Variants in SLC15A1 observed in about 807,000 individuals in gnomAD.
SLC15A1 encodes Caco-2 oligopeptide transporter.
SLC15A1 carries 83 observed loss-of-function variants against 92.9 expected under a neutral mutation model. The ratio of observed to expected loss-of-function variants is 0.89; its 90% CI spans 0.75 to 1.07. The LOEUF (loss-of-function observed/expected upper bound fraction) is 1.07, where lower values mean the gene tolerates loss of function less well. Among genes scored for constraint, SLC15A1 ranks in the 50% least tolerant of loss-of-function variants. The pLI is 0.00. For synonymous variants in SLC15A1, 322 were observed against 318.2 expected (o/e 1.01, Z -0.13); for missense variants, 857 against 880.1 (o/e 0.97, Z 0.33).
At chr13:98,695,662 G>A (rs1473159437) in intron 18 of SLC15A1, among the ~76,000 whole-genome samples, 1 of 151,808 alleles carries the variant, frequency 6.6e-6, no homozygotes, top group Non-Finnish European at 1.5e-5. Context: ...CAAAATGCTG[G>A]GATTACAGGC....
intron 1 of SLC15A1, among the ~76,000 whole-genome samples, chr13:98,743,805 C>T (rs766195089): frequency 6.6e-6 from 1 of 151,948 alleles, no homozygotes; most frequent in South Asian, 2.1e-4. Flanking sequence ...GCCAGACTGC[C>T]GAGGGTAAAT....
chr13:98,746,517 T>C (rs1249538225), intron 1 of SLC15A1, among the ~76,000 whole-genome samples: 2 of 152,176 alleles, frequency 1.3e-5, no homozygotes, highest in Non-Finnish European at 2.9e-5. Flanking sequence ...GGTGTTTTGA[T>C]TTAATGGAAA....
chr13:98,688,300 T>C lies in SLC15A1; in HGVS notation c.1631A>G (p.Asn544Ser), dbSNP rs199744465. ...EIPPQCQPNF[N>S]TFYLEFGSAY... is the part of the protein sequence containing the mutation. ...ACTACCAAATTCAAGGTAGAAAGTA[T>C]TGAAATTAGGTTGACATTGTGGCGG... Residue 544 changes from asparagine (N) to serine (S), a missense_variant, in exon 20 of 23, where the codon AAT (asparagine) becomes AGT (serine). Coordinates refer to ENST00000376503, the MANE Select transcript of SLC15A1 (RefSeq NM_005073.4). 8 of 1,614,092 alleles carry C rather than the reference T, an allele frequency of 5.0e-6. No homozygotes were observed. The East Asian group carries it at 1.8e-4, about 36-fold the overall frequency.
intron 1 of SLC15A1, among the ~76,000 whole-genome samples, chr13:98,737,177 G>A (rs895017027): frequency 1.3e-5 from 2 of 152,232 alleles, no homozygotes; most frequent in African/African-American, 2.4e-5. Flanking sequence ...AAAAGGATGA[G>A]TTCATGTTCT....
chr13:98,703,519 C>T lies in SLC15A1; in HGVS notation c.1416+770G>A, dbSNP rs1286107417. 4.3e-5 allele frequency among the ~76,000 whole-genome samples: 6 copies of T among 140,940 alleles called. No homozygotes were observed. In the East Asian group the frequency reaches 1.1e-3, roughly 27 times the overall value. 92.5% of individuals were successfully genotyped at this position (140,940 alleles called of 152,430 possible). A position where few individuals can be genotyped will look rare whatever the true frequency, so the allele number is the denominator to read the frequency against. On this transcript the variant is annotated intron_variant, in intron 17 of 22. Transcript: ENST00000376503. ...ACTCTTTCATTTAGCTCAACTATAC[C>T]TTTGTAGCTGCTGCTGCTGCTTTTT...
chr13:98,690,769 C>A (rs899467242), intron 18 of SLC15A1, among the ~76,000 whole-genome samples: 2 of 152,022 alleles, frequency 1.3e-5, no homozygotes, highest in Non-Finnish European at 2.9e-5. Flanking sequence ...CCTTTGGCTC[C>A]GAGGCTACAA....
At chr13:98,715,285 C>A (rs2088203990) in intron 9 of SLC15A1, among the ~76,000 whole-genome samples, 1 of 152,192 alleles carries the variant, frequency 6.6e-6, no homozygotes, top group Non-Finnish European at 1.5e-5. Context: ...AGCAATTCTC[C>A]TGCCTCACCC....
Position 98,721,587 on chromosome 13 carries a change from T to C in SLC15A1, c.466-2A>G. 1 of 1,594,172 alleles carries C rather than the reference T, an allele frequency of 6.3e-7. No homozygotes were observed. Among genetic ancestry groups the C allele is most frequent in the South Asian group, 1.1e-5 (1 of 89,182 alleles). ...AAAAAATCTGTTTCTTTGTTTCTCC[T>C]GCAATGAAAAGGAGAAAGTAAGATG... is the stretch of plus-strand genomic sequence containing the variant. On this transcript the variant is annotated splice_acceptor_variant, in intron 6 of 22. Transcript: ENST00000376503. LOFTEE classifies it high-confidence loss of function.
chr13:98,747,037 A>C (rs1594013541), intron 1 of SLC15A1, among the ~76,000 whole-genome samples: 1 of 151,534 alleles, frequency 6.6e-6, no homozygotes, highest in African/African-American at 2.4e-5. Context: ...GGCCCCCCCC[A>C]CCCCGGCTGA....
intron 1 of SLC15A1, among the ~76,000 whole-genome samples, chr13:98,734,032 C>A (rs2088370660): frequency 6.6e-6 from 1 of 151,716 alleles, no homozygotes; most frequent in African/African-American, 2.4e-5. Context: ...GTGGTGCAAT[C>A]TCAGCTCACT....
Position 98,684,638 on chromosome 13 carries a change from G to C in SLC15A1, c.*86C>G. The stretch of plus-strand genomic sequence containing the variant: ...CAATTCTGAAGTCTTCCTCATCAGG[G>C]GCCATCCAATGGAGTGTCCTGCTAC... On this transcript the variant is annotated 3_prime_UTR_variant, in exon 23 of 23. Transcript: ENST00000376503. The C allele has an allele frequency of 3.1e-6, 3 of 955,870 alleles. No homozygotes were observed. The highest frequency in any genetic ancestry group is 3.3e-5 in the South Asian group (2 of 61,400). The allele number at this position is 955,870 out of a possible 1,614,324, so 59.2% of individuals were successfully genotyped here.
intron 16 of SLC15A1, among the ~76,000 whole-genome samples, chr13:98,705,814 C>T (rs1404528235): frequency 3.3e-5 from 5 of 151,502 alleles, no homozygotes; most frequent in Non-Finnish European, 4.4e-5. Flanking sequence ...AATGCTTGAA[C>T]GTTTGTGGAG....
In SLC15A1 at chr13:98,752,584, G is replaced by A. The variant is rs1354657430; in HGVS notation, c.4+11C>T. On this transcript the variant is annotated intron_variant, in intron 1 of 22. Coordinates refer to ENST00000376503, the MANE Select transcript of SLC15A1 (RefSeq NM_005073.4). ...CTTTAGCCCGGCCGGCCCCCCACCC[G>A]CCGAGCGTACCCATGGCGGCGGCTC... 1.6e-6 allele frequency: 2 copies of A among 1,258,066 alleles called. No homozygotes were observed. Among genetic ancestry groups the A allele is most frequent in the South Asian group, 3.1e-5 (1 of 31,838 alleles). 77.9% of individuals were successfully genotyped at this position (1,258,066 alleles called of 1,614,324 possible).
intron 1 of SLC15A1, among the ~76,000 whole-genome samples, chr13:98,745,795 C>T (rs916962771): frequency 5.3e-5 from 8 of 152,072 alleles, no homozygotes; most frequent in Non-Finnish European, 7.4e-5. Flanking sequence ...TTGTTACAGA[C>T]ACCATAGCAA....
chr13:98,712,683 G>A, intron 9 of SLC15A1, 99 bp from the exon 10 acceptor site: 1 of 777,848 alleles, frequency 1.3e-6, no homozygotes, highest in East Asian at 2.5e-5. Context: ...AAATATACGT[G>A]TGAGAAAAGC....
At chr13:98,722,399 G>A (rs1187378925) in intron 5 of SLC15A1, among the ~76,000 whole-genome samples, 1 of 152,090 alleles carries the variant, frequency 6.6e-6, no homozygotes, top group Non-Finnish European at 1.5e-5. Context: ...AAGATTTATT[G>A]TCATGTCTAG....
rs1338038432 is a variant in SLC15A1, at chr13:98,723,904, C to T, written c.365+8G>A. On this transcript the variant is annotated splice_region_variant and intron_variant, in intron 5 of 22. Coordinates refer to ENST00000376503, the MANE Select transcript of SLC15A1 (RefSeq NM_005073.4). ...GGGTGATGGGGGCAGCAGTGAGCAC[C>T]AACTCACACGTGCACAGGAAGGCTG... The T allele has an allele frequency of 6.2e-7, 1 of 1,613,944 alleles. No individual in the cohort carries two copies. The highest frequency in any genetic ancestry group is 8.5e-7 in the Non-Finnish European group (1 of 1,179,930).
At chr13:98,697,994 T>A (rs1311234445) in intron 18 of SLC15A1, among the ~76,000 whole-genome samples, 1 of 152,124 alleles carries the variant, frequency 6.6e-6, no homozygotes, top group East Asian at 1.9e-4. Flanking sequence ...AGGAAGCTGG[T>A]AACCTTGGAG....
chr13:98,750,426 T>A (rs1314713414), intron 1 of SLC15A1, among the ~76,000 whole-genome samples: 2 of 152,082 alleles, frequency 1.3e-5, no homozygotes, highest in African/African-American at 4.8e-5. Flanking sequence ...GCAACTTCTA[T>A]TTATTCTGTT....
Sources: allele counts gnomAD v4.1 joint callset (sites outside exome capture counted in the v4.1 genomes callset), GRCh38; gene constraint gnomAD v4.1.1; transcripts MANE v1.5; gene names NCBI Gene and HGNC (gene_info 2026-07-23, HGNC 2026-07-21).